Variants in SPATA13 observed in about 807,000 individuals in gnomAD.
The protein encoded by SPATA13 is spermatogenesis-associated protein 13.
In SPATA13, 50 loss-of-function variants were observed where a neutral mutation model predicts 104.0. The ratio of observed to expected loss-of-function variants is 0.48; its 90% CI spans 0.38 to 0.61. The LOEUF (loss-of-function observed/expected upper bound fraction) is 0.61. Ranked by LOEUF, SPATA13 falls within the 20% of genes least tolerant of loss-of-function variation. The probability of loss-of-function intolerance (pLI) is 0.00; values close to 1 mark genes in which losing one functional copy is unlikely to be tolerated. For synonymous variants in SPATA13, 606 were observed against 667.5 expected (o/e 0.91, Z 1.42); for missense variants, 1,524 against 1,690.6 (o/e 0.90, Z 1.73).
intron 2 of SPATA13, among the ~76,000 whole-genome samples, chr13:24,238,792 T>C (rs770075002): frequency 4.5e-4 from 68 of 152,256 alleles, no homozygotes; most frequent in Non-Finnish European, 7.1e-4. Flanking sequence ...CTTTGTGATA[T>C]AAATTTTTCA....
At chr13:24,183,605 A>AT (rs58865453) in intron 1 of SPATA13, among the ~76,000 whole-genome samples, 51 of 148,014 alleles carry the variant, frequency 3.4e-4, no homozygotes, top group East Asian at 7.9e-4. Context: ...ATTTCTTTAC[A>AT]TTTTTTTTTT....
rs188753130 is a variant in SPATA13, at chr13:24,245,507, C to T, written c.1654-3970C>T. Among the ~76,000 whole-genome samples the T allele has an allele frequency of 1.4e-3, 205 of 148,524 alleles. 1 individual carries two copies. The highest frequency in any genetic ancestry group is 4.8e-3 in the African/African-American group (196 of 40,478). ...TTGCTATTTTTAGAATATGTGGTAC[C>T]TTTTAGAGGGAATGTTTTCTCCTTT... On this transcript the variant is annotated intron_variant, in intron 2 of 12. Transcript: ENST00000382108.
intron 4 of SPATA13, among the ~76,000 whole-genome samples, chr13:24,277,821 C>T (rs1003350735): frequency 5.9e-5 from 9 of 152,096 alleles, no homozygotes; most frequent in African/African-American, 1.4e-4. Context: ...AGACAGTAAG[C>T]GTGGGGAATC....
chr13:24,141,907 T>C (rs1881775083), intron 3 of SPATA13, among the ~76,000 whole-genome samples: 1 of 152,232 alleles, frequency 6.6e-6, no homozygotes. Flanking sequence ...ACTGCTGCCA[T>C]TTAACTGGGC....
At chr13:24,276,419 G>A (rs954740798) in intron 4 of SPATA13, among the ~76,000 whole-genome samples, 3 of 152,314 alleles carry the variant, frequency 2.0e-5, no homozygotes, top group East Asian at 1.9e-4. Flanking sequence ...GACATATACT[G>A]TATGATCCCA....
At chr13:24,103,308 T>C (rs933716567) in intron 3 of SPATA13, among the ~76,000 whole-genome samples, 2 of 151,910 alleles carry the variant, frequency 1.3e-5, no homozygotes, top group Non-Finnish European at 2.9e-5. Flanking sequence ...ATGCAAATAG[T>C]GTTGCTGTTT....
In SPATA13 at chr13:24,223,010, C is replaced by T. The variant is rs375346622; in HGVS notation, c.81C>T (p.Pro27=). Residue 27 remains proline (P), a synonymous_variant, in exon 2 of 13, where the codon CCC becomes CCT. Transcript: ENST00000382108. ...TTAPNGLGPG[P]AAPCAGSDLK... ...CCCCAAACGGCCTCGGGCCAGGCCC[C>T]GCAGCCCCCTGTGCAGGCTCGGACC... 35 of 1,551,260 alleles carry T rather than the reference C, an allele frequency of 2.3e-5. No homozygotes were observed. Among genetic ancestry groups the T allele is most frequent in the Admixed American group, 9.8e-5 (5 of 50,988 alleles).
chr13:24,286,649 G>C lies in SPATA13; in HGVS notation c.2482-116G>C. 1 of 1,030,350 alleles carries C rather than the reference G, an allele frequency of 9.7e-7. No homozygotes were observed. The highest frequency in any genetic ancestry group is 1.4e-6 in the Non-Finnish European group (1 of 715,706). 63.8% of individuals were successfully genotyped at this position (1,030,350 alleles called of 1,614,324 possible). ...CTGAGGCCATGAGACTCAGGCGAGG[G>C]CCAGGCTGCCTTCCTAACAGGTCAC... On this transcript the variant is annotated intron_variant, in intron 6 of 12. Coordinates refer to ENST00000382108, the MANE Select transcript of SPATA13 (RefSeq NM_001166271.3). The surrounding 1 kb of genome is among the most constrained non-coding windows in gnomAD (Gnocchi z 4.9).
At position 24,173,218 on chromosome 13, in the gene SPATA13, T is replaced by C. The variant is rs564411989; in HGVS notation, c.-112+12286T>C. 9.2e-5 allele frequency among the ~76,000 whole-genome samples: 14 copies of C among 152,194 alleles called. No individual in the cohort carries two copies. In the South Asian group the frequency reaches 1.7e-3, roughly 18 times the overall value. On this transcript the variant is annotated intron_variant, in intron 1 of 12. Transcript: ENST00000382108. ...TCAGCCTCCTGAGTAGCTGGGACTATAGGCATGTGTCACCAGGCGTGGCTA... is the reference window on the plus strand; with the variant it reads ...TCAGCCTCCTGAGTAGCTGGGACTACAGGCATGTGTCACCAGGCGTGGCTA...
Position 24,154,307 on chromosome 13 carries a change from T to C in SPATA13, c.-111-68512T>C, listed in dbSNP as rs187075944. Among the ~76,000 whole-genome samples the C allele has an allele frequency of 4.6e-3, 700 of 152,124 alleles. 6 individuals are homozygous for C. Among genetic ancestry groups the C allele is most frequent in the African/African-American group, 0.016 (670 of 41,484 alleles). ...ATCTAATTGTCCATCAACAATAGAA[T>C]AGGACATAGTATATTCAAACAGCAG... On this transcript the variant is annotated intron_variant, in intron 3 of 14. Coordinates refer to the SPATA13 transcript ENST00000424834.
At chr13:24,167,113 C>T (rs933091676) in intron 1 of SPATA13, among the ~76,000 whole-genome samples, 8 of 152,156 alleles carry the variant, frequency 5.3e-5, no homozygotes, top group African/African-American at 1.4e-4. Context: ...GCTTCCCAAG[C>T]GTAGTCAAGT....
chr13:24,302,614 T>C lies in SPATA13; in HGVS notation c.3675T>C (p.Pro1225=), dbSNP rs33990382. 0.35 allele frequency: 556,249 copies of C among 1,609,020 alleles called. 99,125 individuals are homozygous for C. Among genetic ancestry groups the C allele is most frequent in the East Asian group, 0.56 (25,018 of 44,774 alleles). Residue 1225 remains proline, a synonymous_variant, in exon 13 of 13, where the codon CCT becomes CCC. Coordinates refer to ENST00000382108, the MANE Select transcript of SPATA13 (RefSeq NM_001166271.3). ...CCGAGTCAGGCTACAACAGGTGCCCTGTGGCCCCACCGCACCAGGGCCTGC... is the reference window on the plus strand; with the variant it reads ...CCGAGTCAGGCTACAACAGGTGCCCCGTGGCCCCACCGCACCAGGGCCTGC... ...HGKSKGYNRC[P]VAPPHQGLHP...
rs1870664642 is a variant in SPATA13 at position 24,205,718 on chromosome 13, A to C, written c.-111-17101A>C. Among the ~76,000 whole-genome samples the C allele has an allele frequency of 6.6e-6, 1 of 152,208 alleles. No individual in the cohort carries two copies. Among genetic ancestry groups the C allele is most frequent in the Non-Finnish European group, 1.5e-5 (1 of 68,032 alleles). ...GTGACAGTAACCAAAATCACATGGT[A>C]CTGGTACAAGAACAGACAAATAGAC... On this transcript the variant is annotated intron_variant, in intron 1 of 12. Coordinates refer to ENST00000382108, the MANE Select transcript of SPATA13 (RefSeq NM_001166271.3). The surrounding 1 kb of genome is among the most constrained non-coding windows in gnomAD (Gnocchi z 4.1).
rs754896475 is a variant in SPATA13 at position 24,286,249 on chromosome 13, C to T, written c.2337C>T (p.Ala779=). 9.3e-6 allele frequency: 15 copies of T among 1,613,798 alleles called. No homozygotes were observed. In the East Asian group the frequency reaches 3.3e-4, roughly 36 times the overall value. ...ISDGNVVCAE[A]LWDHVTMDDQ... ...ATGGCAACGTGGTCTGCGCAGAAGC[C>T]CTGTGGGACCATGTGACCATGGATG... Residue 779 remains alanine (A), a synonymous_variant, in exon 6 of 13, where the codon GCC becomes GCT. Transcript: ENST00000382108. This position sits in a 1 kb window ranked among gnomAD's most constrained non-coding sequence, Gnocchi z 4.9.
chr13:24,021,836 C>T (rs909608838), intron 3 of SPATA13, among the ~76,000 whole-genome samples: 10 of 151,882 alleles, frequency 6.6e-5, no homozygotes, highest in African/African-American at 1.9e-4. Context: ...CTCAGCCTCC[C>T]GAGTAGCTGG....
intron 1 of SPATA13, among the ~76,000 whole-genome samples, chr13:24,167,519 C>A (rs538055954): frequency 1.3e-5 from 2 of 152,340 alleles, no homozygotes; most frequent in East Asian, 3.9e-4. Context: ...CACCTCTCAA[C>A]AGTACAAGCT....
At chr13:24,289,729 T>A (rs955469112) in intron 8 of SPATA13, among the ~76,000 whole-genome samples, 10 of 152,236 alleles carry the variant, frequency 6.6e-5, no homozygotes, top group African/African-American at 2.2e-4. Flanking sequence ...AGAACCTTCC[T>A]GTGATAACAT....
chr13:24,036,381 C>T (rs148708747), intron 3 of SPATA13, among the ~76,000 whole-genome samples: 1 of 152,236 alleles, frequency 6.6e-6, no homozygotes, highest in African/African-American at 2.4e-5. Context: ...GAATGTCTGG[C>T]CTCACAGAAG....
intron 4 of SPATA13, among the ~76,000 whole-genome samples, chr13:24,277,251 T>C (rs1358808225): frequency 6.6e-6 from 1 of 151,990 alleles, no homozygotes; most frequent in Non-Finnish European, 1.5e-5. Flanking sequence ...GAGACCATCC[T>C]GGCTAACATG....
Sources: gnomAD v4.1 joint callset for allele counts (sites outside exome capture counted in the v4.1 genomes callset) on GRCh38, gnomAD v4.1.1 for gene constraint, Gnocchi (gnomAD v3.1) non-coding constraint, MANE v1.5 for transcripts, NCBI Gene and HGNC (gene_info 2026-07-23, HGNC 2026-07-21) for gene names.